ADCY10: variants seen among roughly 807,000 people sequenced by gnomAD.
ADCY10 encodes adenylate cyclase 10, also known as adenylate cyclase type 10.
A neutral mutation model predicts 183.3 loss-of-function variants in ADCY10; 156 were observed. That is an observed-to-expected ratio of 0.85 (90% CI 0.75 to 0.97). The LOEUF (loss-of-function observed/expected upper bound fraction) is 0.97. Among genes scored for constraint, ADCY10 ranks in the 50% least tolerant of loss-of-function variants. ADCY10 has a pLI of 0.00. For synonymous variants in ADCY10, 645 were observed against 670.0 expected (o/e 0.96, Z 0.58); for missense variants, 1,745 against 1,934.3 (o/e 0.90, Z 1.84).
At chr1:167,840,752 GA>G (rs11380658) in intron 21 of ADCY10, among the ~76,000 whole-genome samples, 1 of 151,374 alleles carries the variant, frequency 6.6e-6, no homozygotes, top group African/African-American at 2.4e-5. Flanking sequence ...AAAATCAAAA[GA>G]AAAAAACATA....
chr1:167,856,033 T>G, intron 17 of ADCY10, 132 bp downstream of exon 17: 1 of 1,048,512 alleles, frequency 9.5e-7, no homozygotes, highest in Non-Finnish European at 1.4e-6. Flanking sequence ...AAAAGAAAAA[T>G]TTTTTAAAAG....
intron 6 of ADCY10, among the ~76,000 whole-genome samples, chr1:167,897,517 GTA>G (rs1415937620): frequency 2.9e-5 from 2 of 69,004 alleles, no homozygotes; most frequent in Non-Finnish European, 5.2e-5. Context: ...ATATATATAT[GTA>G]TATATATATA....
chr1:167,904,714 G>C, intron 2 of ADCY10: 1 of 608,760 alleles, frequency 1.6e-6, no homozygotes, highest in Non-Finnish European at 2.9e-6. Flanking sequence ...GGCTGGAGAG[G>C]ATGAGTCAGT....
At chr1:167,879,572 T>C (rs203846) in intron 11 of ADCY10, among the ~76,000 whole-genome samples, 69,946 of 151,944 alleles carry the variant, frequency 0.46, 17,093 homozygotes, top group African/African-American at 0.62. Flanking sequence ...TGTGTACTTT[T>C]GAAGAACATC....
At chr1:167,838,489 A>G (rs1664388060) in intron 21 of ADCY10, among the ~76,000 whole-genome samples, 2 of 152,144 alleles carry the variant, frequency 1.3e-5, no homozygotes, top group African/African-American at 4.8e-5. Flanking sequence ...CTTTTCACTG[A>G]TTCTTTTAGC....
chr1:167,869,811 G>A (rs1666970317), intron 14 of ADCY10, among the ~76,000 whole-genome samples: 1 of 151,938 alleles, frequency 6.6e-6, no homozygotes. Context: ...CGGATTTTGA[G>A]ACGCTAGCCT....
chr1:167,823,212 G>C, intron 28 of ADCY10, 89 bp from the exon 29 acceptor site: 1 of 1,101,632 alleles, frequency 9.1e-7, no homozygotes, highest in African/African-American at 1.5e-5. Flanking sequence ...GGATCACGAG[G>C]TCAGGAGTTC....
At chr1:167,829,163 T>C in intron 26 of ADCY10, 104 bp downstream of exon 26, 1 of 1,382,388 alleles carries the variant, frequency 7.2e-7, no homozygotes, top group Non-Finnish European at 1.0e-6. Flanking sequence ...GAAAGCCTTC[T>C]ATTATTATAT....
chr1:167,898,665 A>G (rs1450709109), intron 6 of ADCY10, among the ~76,000 whole-genome samples: 3 of 152,064 alleles, frequency 2.0e-5, no homozygotes, highest in African/African-American at 7.2e-5. Flanking sequence ...CAGCTAGGCC[A>G]TGCAGGCTGG....
Position 167,824,564 on chromosome 1 carries a change from C to G in ADCY10, c.3964G>C (p.Ala1322Pro). The G allele has an allele frequency of 6.2e-7, 1 of 1,614,204 alleles. No homozygotes were observed. Among genetic ancestry groups the G allele is most frequent in the African/African-American group, 1.3e-5 (1 of 75,048 alleles). ...LDLAIELGSR[A>P]LQMWALLQNP... Reference sequence around the variant, plus strand: ...TGGAGCAGTGCCCACATCTGAAGGGCTCGGGAGCCTGGGAAGAAAACAATT... The same window carrying G: ...TGGAGCAGTGCCCACATCTGAAGGGGTCGGGAGCCTGGGAAGAAAACAATT... Residue 1322 changes from alanine (A) to proline (P), a missense_variant, in exon 28 of 33, where the codon GCC becomes CCC. Transcript: ENST00000367851.
chr1:167,810,242 G>A lies in ADCY10; in HGVS notation c.4672-403C>T, dbSNP rs149249450. On this transcript the variant is annotated intron_variant, in intron 32 of 32. Transcript: ENST00000367851. Reference sequence around the variant, plus strand: ...GAGACCATGAGAACTTAAAGGGGAAGAGGAAGCTCACAATCCTGAACTATG... The same window carrying A: ...GAGACCATGAGAACTTAAAGGGGAAAAGGAAGCTCACAATCCTGAACTATG... Among the ~76,000 whole-genome samples, 78 of 152,300 alleles carry A rather than the reference G, an allele frequency of 5.1e-4. No homozygotes were observed. In the East Asian group the frequency reaches 0.012, roughly 24 times the overall value.
At chr1:167,890,296 T>C (rs76292749) in intron 8 of ADCY10, among the ~76,000 whole-genome samples, 4,403 of 152,352 alleles carry the variant, frequency 0.029, 197 homozygotes, top group African/African-American at 0.1. Context: ...GCTATGGTTC[T>C]TGCAGACTTA....
chr1:167,861,129 G>A, intron 14 of ADCY10, 66 bp from the exon 15 acceptor site: 3 of 1,348,898 alleles, frequency 2.2e-6, no homozygotes, highest in South Asian at 1.2e-5. Flanking sequence ...AATAATAGAG[G>A]TTGAAGGAAA....
At chr1:167,817,178 AT>A (rs1050492880) in intron 31 of ADCY10, among the ~76,000 whole-genome samples, 4 of 152,152 alleles carry the variant, frequency 2.6e-5, no homozygotes, top group Admixed American at 2.6e-4. Context: ...AGCCTGGCTA[AT>A]GTGGTGAAAT....
At chr1:167,901,019 CCT>C (rs1669381377) in intron 5 of ADCY10, among the ~76,000 whole-genome samples, 2 of 152,126 alleles carry the variant, frequency 1.3e-5, no homozygotes, top group Admixed American at 6.5e-5. Flanking sequence ...ATTACTTATA[CCT>C]CTCAGAATCT....
chr1:167,822,083 G>T lies in ADCY10; in HGVS notation c.4227C>A (p.Asn1409Lys), dbSNP rs758859163. 17 of 1,610,576 alleles carry T rather than the reference G, an allele frequency of 1.1e-5. No individual in the cohort carries two copies. In the East Asian group the frequency reaches 3.8e-4, roughly 36 times the overall value. The change falls in exon 30 of 33, where the codon AAC becomes AAA. Residue 1409 changes from asparagine (N) to lysine (K), a missense_variant. Asn to Lys is a moderately conservative substitution (Grantham distance 94). Coordinates refer to ENST00000367851, the MANE Select transcript of ADCY10 (RefSeq NM_018417.6). ...CLEFIHQYEN[N>K]RILKFHSGLL... ...GTCCACTGTGGAACTTGAGGATTCT[G>T]TTGTTTTCGTATTGGTGTATGAATT...
chr1:167,867,155 A>G (rs1170625771), intron 14 of ADCY10, among the ~76,000 whole-genome samples: 2 of 152,200 alleles, frequency 1.3e-5, no homozygotes, highest in Non-Finnish European at 2.9e-5. Context: ...ATAACTGTGT[A>G]GAAGTGTTGG....
chr1:167,819,566 T>A (rs1055120609), intron 30 of ADCY10, among the ~76,000 whole-genome samples: 1 of 151,548 alleles, frequency 6.6e-6, no homozygotes, highest in Non-Finnish European at 1.5e-5. Flanking sequence ...TTTTTTATTT[T>A]TTTTTATTTT....
At chr1:167,856,072 C>A (rs1665867240) in intron 17 of ADCY10, 93 bp downstream of exon 17, 1 of 1,367,960 alleles carries the variant, frequency 7.3e-7, no homozygotes, top group African/African-American at 1.4e-5. Flanking sequence ...CTGAAATAGG[C>A]ACATCAAGAC....
Sources: gnomAD v4.1 joint callset for allele counts (sites outside exome capture counted in the v4.1 genomes callset) on GRCh38, gnomAD v4.1.1 for gene constraint, MANE v1.5 for transcripts, NCBI Gene and HGNC (gene_info 2026-07-23, HGNC 2026-07-21) for gene names.